The following AP1G1 variants were observed in gnomAD, a reference collection of about 807,000 sequenced individuals.
AP1G1 encodes the protein adaptor related protein complex 1 subunit gamma 1, also known as AP-1 complex subunit gamma-1.
In AP1G1, 7 loss-of-function variants were observed where a neutral mutation model predicts 108.3. The observed-to-expected ratio is 0.06, with a 90% CI of 0.04 to 0.12. AP1G1 has a LOEUF of 0.12. Among genes scored for constraint, AP1G1 ranks in the 10% least tolerant of loss-of-function variants. The pLI is 1.00. For missense variants in AP1G1, 756 were observed against 1,010.7 expected (o/e 0.75, Z 3.42); for synonymous variants, 379 against 353.5 (o/e 1.07, Z -0.81).
intron 1 of AP1G1, among the ~76,000 whole-genome samples, chr16:71,805,939 T>C (rs956238032): frequency 2.6e-5 from 4 of 151,994 alleles, no homozygotes; most frequent in African/African-American, 9.7e-5. Flanking sequence ...GAGGATCGCT[T>C]GAGTCCAGGA....
intron 6 of AP1G1, among the ~76,000 whole-genome samples, chr16:71,768,991 A>C (rs1213576539): frequency 6.9e-6 from 1 of 145,712 alleles, no homozygotes; most frequent in Non-Finnish European, 1.5e-5. Context: ...AAAAAAAAAA[A>C]AAAAAAACAG....
intron 2 of AP1G1, among the ~76,000 whole-genome samples, chr16:71,778,713 A>G (rs1302120116): frequency 6.6e-6 from 1 of 152,016 alleles, no homozygotes; most frequent in African/African-American, 2.4e-5. Flanking sequence ...AGAAAAAAAA[A>G]AAGAATGTTA....
At chr16:71,735,616 A>T (rs953160081) in intron 21 of AP1G1, among the ~76,000 whole-genome samples, 1 of 151,332 alleles carries the variant, frequency 6.6e-6, no homozygotes, top group Non-Finnish European at 1.5e-5. Context: ...AGACTGTGCC[A>T]CTGCACTCCA....
rs114653877 is a variant in AP1G1 at position 71,800,530 on chromosome 16, G to A, written c.-4+8233C>T. 4.4e-3 allele frequency among the ~76,000 whole-genome samples: 672 copies of A among 151,578 alleles called. 26 individuals are homozygous for A. The highest frequency in any genetic ancestry group is 0.016 in the African/African-American group (647 of 41,054). On this transcript the variant is annotated intron_variant, in intron 1 of 22. Transcript: ENST00000299980. ...AACCCCCCCGTCTCGGGTCGGGTGC[G>A]GGGGCTCACGCCTTTAATCCTAGCA...
In AP1G1 at chr16:71,773,233, G is replaced by A; in HGVS notation, c.456C>T (p.Tyr152=). The stretch of plus-strand genomic sequence containing the variant: ...CATTAAAAGTTACCTTTTTTCTTAA[G>A]TAAGAGTTGGAGGTTTTCAGGAGCT... ...VEKLLKTSNS[Y]LRKKAALCAV... The change falls in exon 4 of 23, where the codon TAC becomes TAT. Residue 152 remains tyrosine, a synonymous_variant. Coordinates refer to ENST00000299980, the MANE Select transcript of AP1G1 (RefSeq NM_001128.6). 1 of 1,613,322 alleles carries A rather than the reference G, an allele frequency of 6.2e-7. No homozygotes were observed. Among genetic ancestry groups the A allele is most frequent in the Non-Finnish European group, 8.5e-7 (1 of 1,179,948 alleles).
At chr16:71,756,199 T>C (rs984156166) in intron 11 of AP1G1, 40 bp from the exon 12 acceptor site, 13 of 1,583,898 alleles carry the variant, frequency 8.2e-6, no homozygotes, top group African/African-American at 1.4e-5. Flanking sequence ...AAGAAATTTA[T>C]AGTGGAAATG....
intron 19 of AP1G1, chr16:71,743,551 C>T (rs1370776670): frequency 6.7e-6 from 1 of 148,928 alleles, no homozygotes; most frequent in Non-Finnish European, 1.5e-5. Context: ...TGAAGTGAGC[C>T]GAGATAATCC....
rs1306324316 is a variant in AP1G1, at chr16:71,774,641, A to C, written c.202-49T>G. On this transcript the variant is annotated intron_variant, in intron 2 of 22. Transcript: ENST00000299980. The stretch of plus-strand genomic sequence containing the variant: ...GAAGGAAATTAAAACTTGCTACCAC[A>C]ATCTAGAAAAGCAGTGTTTTTAACC... The C allele has an allele frequency of 2.0e-6, 3 of 1,532,326 alleles. No individual in the cohort carries two copies. The African/African-American group carries it at 4.2e-5, about 21-fold the overall frequency. The allele number at this position is 1,532,326 out of a possible 1,614,324, so 94.9% of individuals were successfully genotyped here.
intron 10 of AP1G1, among the ~76,000 whole-genome samples, chr16:71,760,269 G>A (rs922136521): frequency 6.7e-6 from 1 of 148,722 alleles, no homozygotes; most frequent in African/African-American, 2.5e-5. Flanking sequence ...TCGGCCAGGT[G>A]TGGTGGCTCA....
chr16:71,750,703 A>G (rs910383972), intron 13 of AP1G1, among the ~76,000 whole-genome samples: 3 of 151,944 alleles, frequency 2.0e-5, no homozygotes, highest in Non-Finnish European at 4.4e-5. Context: ...GGCGTGTGCC[A>G]CTGCGCCCAG....
chr16:71,777,170 G>A lies in AP1G1; in HGVS notation c.202-2578C>T, dbSNP rs568613621. On this transcript the variant is annotated intron_variant, in intron 2 of 22. Coordinates refer to ENST00000299980, the MANE Select transcript of AP1G1 (RefSeq NM_001128.6). ...AAGGGAGGGGAGGGAGGCAGCTGTG[G>A]GGTTTGGCCCCAACCCCAGCCCACC... Among the ~76,000 whole-genome samples the A allele has an allele frequency of 1.4e-4, 21 of 150,398 alleles. No individual in the cohort carries two copies. In the South Asian group the frequency reaches 3.8e-3, roughly 27 times the overall value.
chr16:71,756,991 G>T (rs971241150), intron 11 of AP1G1, among the ~76,000 whole-genome samples: 1 of 151,750 alleles, frequency 6.6e-6, no homozygotes, highest in South Asian at 2.1e-4. Context: ...AAAAAAAATG[G>T]CATGTCCTAG....
At chr16:71,795,507 A>G (rs1410723342) in intron 1 of AP1G1, among the ~76,000 whole-genome samples, 5 of 152,190 alleles carry the variant, frequency 3.3e-5, no homozygotes, top group African/African-American at 1.2e-4. Context: ...AAAACCCTCC[A>G]AAGAAGTTAC....
At chr16:71,803,341 TTA>T (rs770365445) in intron 1 of AP1G1, among the ~76,000 whole-genome samples, 5 of 152,220 alleles carry the variant, frequency 3.3e-5, no homozygotes, top group Admixed American at 6.5e-5. Context: ...TTGCCAACAT[TTA>T]TGATTTACTA....
chr16:71,756,399 T>G lies in AP1G1; in HGVS notation c.1089-240A>C, dbSNP rs1285369861. On this transcript the variant is annotated intron_variant, in intron 11 of 22. Coordinates refer to ENST00000299980, the MANE Select transcript of AP1G1 (RefSeq NM_001128.6). ...CTTCTTCAAAAGTCCCTACGAGATA[T>G]ACCACTAATGTCCAAACATGCAGCT... 8.2e-6 allele frequency: 3 copies of G among 367,730 alleles called. No homozygotes were observed. The Admixed American group carries it at 1.4e-4, about 17-fold the overall frequency. The allele number at this position is 367,730 out of a possible 1,614,324, so 22.8% of individuals were successfully genotyped here.
At chr16:71,759,060 T>C (rs2030946819) in intron 10 of AP1G1, 139 bp from the exon 11 acceptor site, 1 of 604,226 alleles carries the variant, frequency 1.7e-6, no homozygotes, top group Non-Finnish European at 2.9e-6. Context: ...TTAGTGAACA[T>C]AAAAGTAACA....
intron 21 of AP1G1, among the ~76,000 whole-genome samples, chr16:71,734,970 T>C (rs2045515380): frequency 6.6e-6 from 1 of 152,212 alleles, no homozygotes; most frequent in Non-Finnish European, 1.5e-5. Context: ...CAGAAGGAAT[T>C]CTAGCCTACC....
intron 6 of AP1G1, among the ~76,000 whole-genome samples, chr16:71,768,917 CAAAAAAAAA>C (rs58725744): frequency 4.7e-5 from 2 of 42,164 alleles, no homozygotes; most frequent in African/African-American, 1.1e-4. Flanking sequence ...GACTCTGTCT[CAAAAAAAAA>C]AAAAAAAAAA....
chr16:71,775,316 G>C (rs560728213), intron 2 of AP1G1, among the ~76,000 whole-genome samples: 1 of 152,078 alleles, frequency 6.6e-6, no homozygotes, highest in Non-Finnish European at 1.5e-5. Flanking sequence ...ACAGGCCTGA[G>C]CCACCGCGCC....
Sources: gnomAD v4.1 joint callset for allele counts (sites outside exome capture counted in the v4.1 genomes callset) on GRCh38, gnomAD v4.1.1 for gene constraint, MANE v1.5 for transcripts, NCBI Gene and HGNC (gene_info 2026-07-23, HGNC 2026-07-21) for gene names.